The following DIP2C variants were observed in gnomAD, a reference collection of about 807,000 sequenced individuals.
DIP2C encodes DIP2 acetate--CoA ligase C (putative), also known as disco-interacting protein 2 homolog C.
DIP2C carries 33 observed loss-of-function variants against 192.4 expected under a neutral mutation model. The ratio of observed to expected loss-of-function variants is 0.17; its 90% CI spans 0.13 to 0.23. DIP2C has a LOEUF of 0.23. Ranked by LOEUF, DIP2C falls within the 10% of genes least tolerant of loss-of-function variation. The probability of loss-of-function intolerance (pLI) is 1.00; values close to 1 mark genes in which losing one functional copy is unlikely to be tolerated. For synonymous variants in DIP2C, 979 were observed against 864.1 expected (o/e 1.13, Z -2.33); for missense variants, 1,537 against 2,110.1 (o/e 0.73, Z 5.32).
chr10:655,489 T>C (rs988511512), intron 1 of DIP2C, among the ~76,000 whole-genome samples: 2 of 151,854 alleles, frequency 1.3e-5, no homozygotes, highest in African/African-American at 2.4e-5. Flanking sequence ...TATTCCACAC[T>C]ACGCTACGTA....
chr10:354,641 G>C (rs1958989352), intron 24 of DIP2C, among the ~76,000 whole-genome samples: 1 of 152,146 alleles, frequency 6.6e-6, no homozygotes, highest in African/African-American at 2.4e-5. Flanking sequence ...TCAAGGCAGA[G>C]ATTCAGGGAG....
chr10:641,499 C>T (rs967966896), intron 1 of DIP2C, among the ~76,000 whole-genome samples: 1 of 152,198 alleles, frequency 6.6e-6, no homozygotes, highest in African/African-American at 2.4e-5. Context: ...GAAGATGATA[C>T]TCACACAACG....
chr10:614,139 C>T (rs987909566), intron 1 of DIP2C, among the ~76,000 whole-genome samples: 9 of 152,244 alleles, frequency 5.9e-5, no homozygotes, highest in African/African-American at 7.2e-5. Context: ...TTGCCATGCA[C>T]ACATGGAGGC....
intron 1 of DIP2C, among the ~76,000 whole-genome samples, chr10:561,358 CTG>C (rs1475716705): frequency 6.6e-6 from 1 of 152,314 alleles, no homozygotes; most frequent in East Asian, 1.9e-4. Flanking sequence ...TCTCTGCAGA[CTG>C]AGAGCCACTG....
chr10:544,389 A>G (rs549631392), intron 1 of DIP2C, among the ~76,000 whole-genome samples: 1 of 152,364 alleles, frequency 6.6e-6, no homozygotes, highest in Admixed American at 6.5e-5. Context: ...TAATGCTGCT[A>G]TGAAGATTCT....
intron 1 of DIP2C, among the ~76,000 whole-genome samples, chr10:518,066 C>T (rs1263528672): frequency 2.6e-5 from 4 of 152,176 alleles, no homozygotes; most frequent in Non-Finnish European, 4.4e-5. Flanking sequence ...GAAAGCACAC[C>T]CCGATATCAC....
At chr10:385,534 C>T (rs971465402) in intron 14 of DIP2C, among the ~76,000 whole-genome samples, 4 of 152,214 alleles carry the variant, frequency 2.6e-5, no homozygotes, top group Admixed American at 6.5e-5. Flanking sequence ...TCTTGAGAAC[C>T]GCACACTGCT....
chr10:464,189 A>G (rs1970023266), intron 3 of DIP2C, among the ~76,000 whole-genome samples: 2 of 152,200 alleles, frequency 1.3e-5, no homozygotes, highest in Admixed American at 1.3e-4. Flanking sequence ...AAAATAAACT[A>G]CCATCAGAGT....
intron 1 of DIP2C, among the ~76,000 whole-genome samples, chr10:613,237 C>T (rs1440095995): frequency 2.6e-5 from 4 of 152,232 alleles, no homozygotes; most frequent in Non-Finnish European, 5.9e-5. Context: ...AGATGTGCAC[C>T]TGCTCCAAGC....
chr10:465,877 G>T (rs548374510), intron 3 of DIP2C, among the ~76,000 whole-genome samples: 31 of 151,366 alleles, frequency 2.0e-4, no homozygotes, highest in South Asian at 4.2e-4. Context: ...CACTGCTCAA[G>T]GAAATAAAAG....
At chr10:602,956 T>TG (rs1852192365) in intron 1 of DIP2C, among the ~76,000 whole-genome samples, 1 of 152,066 alleles carries the variant, frequency 6.6e-6, no homozygotes, top group South Asian at 2.1e-4. Context: ...CCGGAGCCGT[T>TG]GGGGGAGGCA....
chr10:341,091 C>A, intron 29 of DIP2C, 108 bp downstream of exon 29: 4 of 1,489,732 alleles, frequency 2.7e-6, no homozygotes, highest in Non-Finnish European at 3.7e-6. Context: ...CCTCCTCTGG[C>A]AGGAGTGGGG....
At chr10:448,825 T>G (rs1250859094) in intron 3 of DIP2C, among the ~76,000 whole-genome samples, 1 of 100,554 alleles carries the variant, frequency 9.9e-6, no homozygotes, top group Non-Finnish European at 2.0e-5. Flanking sequence ...CATCCTCATC[T>G]ATACTCAGGA....
intron 3 of DIP2C, among the ~76,000 whole-genome samples, chr10:465,132 T>A (rs1246557975): frequency 8.5e-6 from 1 of 117,034 alleles, no homozygotes; most frequent in African/African-American, 3.3e-5. Context: ...GATGCAAAAA[T>A]CCTCAATAAA....
chr10:603,269 A>C (rs1852214556), intron 1 of DIP2C, among the ~76,000 whole-genome samples: 1 of 131,340 alleles, frequency 7.6e-6, no homozygotes, highest in Non-Finnish European at 1.6e-5. Flanking sequence ...ACTGTACTCC[A>C]ATCTGGGTGA....
chr10:355,386 C>T (rs1460479530), intron 24 of DIP2C, among the ~76,000 whole-genome samples: 5 of 152,160 alleles, frequency 3.3e-5, no homozygotes, highest in African/African-American at 9.7e-5. Context: ...ACCAGAGAGT[C>T]GGGGAATAAT....
chr10:365,898 G>T (rs376157712), intron 19 of DIP2C, among the ~76,000 whole-genome samples: 1 of 152,198 alleles, frequency 6.6e-6, no homozygotes, highest in African/African-American at 2.4e-5. Context: ...GCGAGGGTTC[G>T]TACCTGGCCA....
intron 29 of DIP2C, 48 bp from the exon 30 acceptor site, chr10:329,649 AG>A: frequency 6.4e-7 from 1 of 1,569,298 alleles, no homozygotes; most frequent in Non-Finnish European, 8.7e-7. Context: ...GCAAGGCTGG[AG>A]CTCAGCAAGG....
Position 651,261 on chromosome 10 carries a change from C to A in DIP2C, c.85+38233G>T. On this transcript the variant is annotated intron_variant, in intron 1 of 36. Transcript: ENST00000280886. This position sits in a 1 kb window ranked among gnomAD's most constrained non-coding sequence, Gnocchi z 4.1. ...GCGTCACAGCGTGGGTTCCGGTCAC[C>A]AGTCGGCCTCCCCCACCAACGTGGA... 1 of 714,850 alleles carries A rather than the reference C, an allele frequency of 1.4e-6. No individual in the cohort carries two copies. Among genetic ancestry groups the A allele is most frequent in the South Asian group, 1.5e-5 (1 of 67,566 alleles). 44.3% of individuals were successfully genotyped at this position (714,850 alleles called of 1,614,324 possible).
Sources: allele counts gnomAD v4.1 joint callset (sites outside exome capture counted in the v4.1 genomes callset), GRCh38; gene constraint gnomAD v4.1.1; non-coding constraint Gnocchi (gnomAD v3.1); transcripts MANE v1.5; gene names NCBI Gene and HGNC (gene_info 2026-07-23, HGNC 2026-07-21).